The following DCAKD variants were observed in gnomAD, a reference collection of about 807,000 sequenced individuals.
DCAKD encodes the protein dephospho-CoA kinase domain-containing protein.
In DCAKD, 15 loss-of-function variants were observed where a neutral mutation model predicts 18.7. The ratio of observed to expected loss-of-function variants is 0.80; its 90% CI spans 0.54 to 1.24. DCAKD has a LOEUF of 1.24. Ranked by LOEUF, DCAKD falls within the 50% of genes most tolerant of loss-of-function variation. The pLI, the probability that DCAKD is intolerant of heterozygous loss-of-function variation, is 0.00. For synonymous variants in DCAKD, 130 were observed against 133.0 expected (o/e 0.98, Z 0.16); for missense variants, 301 against 322.0 (o/e 0.93, Z 0.50).
At chr17:45,050,073 C>T (rs1463474790) in intron 1 of DCAKD, among the ~76,000 whole-genome samples, 1 of 139,144 alleles carries the variant, frequency 7.2e-6, no homozygotes, top group Non-Finnish European at 1.6e-5. Context: ...AGGAGTCTCA[C>T]TCTCTTGCCC....
chr17:45,034,571 G>C (rs2053246878), intron 2 of DCAKD, among the ~76,000 whole-genome samples, 181 bp from the exon 3 acceptor site: 1 of 152,166 alleles, frequency 6.6e-6, no homozygotes, highest in Non-Finnish European at 1.5e-5. Flanking sequence ...CCCTTGTGCT[G>C]GTAATGGGGT....
chr17:45,030,097 T>TA lies in DCAKD; in HGVS notation c.398dup (p.Tyr134IlefsTer62), dbSNP rs1567831097. 1 of 1,613,672 alleles carries TA rather than the reference T, an allele frequency of 6.2e-7. No individual in the cohort carries two copies. The highest frequency in any genetic ancestry group is 1.7e-5 in the Admixed American group (1 of 60,006). On this transcript the variant is annotated frameshift_variant, in exon 4 of 5. Coordinates refer to ENST00000651974, the MANE Select transcript of DCAKD (RefSeq NM_001288655.2). LOFTEE classifies it high-confidence loss of function. ...AGGGCATGCTACACACTCACCAGTATACTACCACGGTGTGCTTCATGTACT... is the reference window on the plus strand; with the variant it reads ...AGGGCATGCTACACACTCACCAGTATAACTACCACGGTGTGCTTCATGTACT...
At chr17:45,030,409 T>C (rs1272489661) in intron 3 of DCAKD, among the ~76,000 whole-genome samples, 1 of 152,216 alleles carries the variant, frequency 6.6e-6, no homozygotes, top group Admixed American at 6.5e-5. Flanking sequence ...GCACTTGTGC[T>C]GGCCTTGAAA....
Position 45,058,338 on chromosome 17 carries a change from AC to A in DCAKD, c.-118+2549del, listed in dbSNP as rs1412437361. 3.3e-5 allele frequency among the ~76,000 whole-genome samples: 5 copies of A among 152,036 alleles called. No individual in the cohort carries two copies. In the East Asian group the frequency reaches 7.7e-4, roughly 23 times the overall value. On this transcript the variant is annotated intron_variant, in intron 1 of 4. Transcript: ENST00000310604. Reference sequence around the variant, plus strand: ...AAAAATAATAATAAATAAAAATAACACACAAAATATCTTTTTATCTTTTATT... The same window carrying A: ...AAAAATAATAATAAATAAAAATAACAACAAAATATCTTTTTATCTTTTATT...
In DCAKD at chr17:45,024,666, CG is replaced by C; in HGVS notation, c.462del (p.Asp154GlufsTer12). On this transcript the variant is annotated frameshift_variant, in exon 5 of 5. Transcript: ENST00000651974. LOFTEE classifies it high-confidence loss of function. The part of the protein sequence containing the change: ...LMRRNSLNRK[D>X]AEARINAQLP... ...AGCTGGGCATTGATGCGGGCCTCTG[CG>C]TCCTTGCGGTTCAGGCTGTTCCGCC... The C allele has an allele frequency of 6.2e-7, 1 of 1,608,900 alleles. No homozygotes were observed. The highest frequency in any genetic ancestry group is 8.5e-7 in the Non-Finnish European group (1 of 1,176,128).
In DCAKD at chr17:45,034,268, G is replaced by C; in HGVS notation, c.235C>G (p.Arg79Gly). The C allele has an allele frequency of 6.2e-7, 1 of 1,614,122 alleles. No individual in the cohort carries two copies. Among genetic ancestry groups the C allele is most frequent in the Non-Finnish European group, 8.5e-7 (1 of 1,180,022 alleles). ...GTGATGGCGTTGAGCAGCTGCCGCC[G>C]GTCAGGCTGGTTAAAGATCAGGTCC... ...LGDLIFNQPDRRQLLNAITHP... is the reference protein window; with the variant it reads ...LGDLIFNQPDGRQLLNAITHP... The change falls in exon 3 of 5, where the codon CGG becomes GGG. Residue 79 changes from arginine to glycine, a missense_variant. Coordinates refer to ENST00000651974, the MANE Select transcript of DCAKD (RefSeq NM_001288655.2).
intron 3 of DCAKD, among the ~76,000 whole-genome samples, chr17:45,033,177 C>G (rs575792615): frequency 7.3e-6 from 1 of 136,732 alleles, no homozygotes; most frequent in Non-Finnish European, 1.6e-5. Flanking sequence ...GAGACCCCAT[C>G]TCTAAAAATA....
chr17:45,054,276 C>G (rs1364968688), upstream of DCAKD, among the ~76,000 whole-genome samples: 2 of 150,714 alleles, frequency 1.3e-5, no homozygotes, highest in Non-Finnish European at 2.9e-5. Flanking sequence ...GAGACAGAGT[C>G]TGGCTCTGTT....
At chr17:45,025,554 G>A (rs965216841) in intron 4 of DCAKD, among the ~76,000 whole-genome samples, 2 of 152,126 alleles carry the variant, frequency 1.3e-5, no homozygotes, top group Non-Finnish European at 2.9e-5. Flanking sequence ...GCTACAGTCA[G>A]TCCTCTGGAG....
chr17:45,024,964 CG>C (rs1196194905), intron 4 of DCAKD, among the ~76,000 whole-genome samples: 1 of 150,922 alleles, frequency 6.6e-6, no homozygotes, highest in Non-Finnish European at 1.5e-5. Context: ...CTATGGGCTA[CG>C]GAAGCCCCTT....
intron 1 of DCAKD, among the ~76,000 whole-genome samples, chr17:45,047,664 C>A (rs1017297916): frequency 2.0e-5 from 3 of 152,076 alleles, no homozygotes; most frequent in Non-Finnish European, 4.4e-5. Context: ...GCCACCACAC[C>A]CAGCTAATTT....
chr17:45,047,207 A>G (rs1358353631), intron 1 of DCAKD, among the ~76,000 whole-genome samples: 1 of 149,348 alleles, frequency 6.7e-6, no homozygotes, highest in African/African-American at 2.6e-5. Flanking sequence ...CAGCCAAAGA[A>G]AAAAAAAAGC....
In DCAKD at chr17:45,023,629, A is replaced by T. The variant is rs1381697439; in HGVS notation, c.*804T>A. 6.9e-6 allele frequency: 1 copy of T among 144,720 alleles called. No individual in the cohort carries two copies. Among genetic ancestry groups the T allele is most frequent in the African/African-American group, 2.5e-5 (1 of 39,744 alleles). 9.0% of individuals were successfully genotyped at this position (144,720 alleles called of 1,614,324 possible). ...AAAAAAAAAAAAAAAAAAAAAAAGG[A>T]AGAAGAAATAAAAGAAAATAAAAGG... On this transcript the variant is annotated 3_prime_UTR_variant, in exon 5 of 5. Transcript: ENST00000651974.
At position 45,024,395 on chromosome 17, in the gene DCAKD, T is replaced by C. The variant is rs1003937841; in HGVS notation, c.*38A>G. 1.2e-5 allele frequency: 18 copies of C among 1,563,590 alleles called. No individual in the cohort carries two copies. Among genetic ancestry groups the C allele is most frequent in the Admixed American group, 7.1e-5 (4 of 56,094 alleles). The stretch of plus-strand genomic sequence containing the variant: ...TACCTGGCTTCAGCCTCCAAGGAGA[T>C]AGATGGAGGCCTGGGGCTCCCTGCC... On this transcript the variant is annotated 3_prime_UTR_variant, in exon 5 of 5. Coordinates refer to ENST00000651974, the MANE Select transcript of DCAKD (RefSeq NM_001288655.2).
At chr17:45,027,835 A>G (rs945270082) in intron 4 of DCAKD, among the ~76,000 whole-genome samples, 1 of 151,696 alleles carries the variant, frequency 6.6e-6, no homozygotes, top group Non-Finnish European at 1.5e-5. Context: ...AAAATACAAA[A>G]CTTAGCCGGG....
At chr17:45,034,727 G>A (rs558312250) in intron 2 of DCAKD, 47 bp downstream of exon 2, 21 of 1,582,726 alleles carry the variant, frequency 1.3e-5, no homozygotes, top group Middle Eastern at 1.7e-4. Flanking sequence ...GGCCGGAAGC[G>A]TGGGGAGCTG....
chr17:45,039,802 C>A (rs1405397708), intron 1 of DCAKD, among the ~76,000 whole-genome samples: 16 of 152,334 alleles, frequency 1.1e-4, no homozygotes, highest in Middle Eastern at 3.4e-3. Flanking sequence ...GTTCAGAGCT[C>A]TCCTGGGAGT....
upstream of DCAKD, among the ~76,000 whole-genome samples, chr17:45,053,702 C>T (rs1292139725): frequency 6.6e-6 from 1 of 151,140 alleles, no homozygotes; most frequent in African/African-American, 2.4e-5. Flanking sequence ...TTACAGGCGT[C>T]AGCCACCATG....
At chr17:45,054,365 A>G (rs892083431), upstream of DCAKD, among the ~76,000 whole-genome samples, 7 of 151,878 alleles carry the variant, frequency 4.6e-5, no homozygotes, top group African/African-American at 1.7e-4. Flanking sequence ...CTCCTGCCTC[A>G]GCTTCCCTAG....
Sources: gnomAD v4.1 joint callset for allele counts (sites outside exome capture counted in the v4.1 genomes callset) on GRCh38, gnomAD v4.1.1 for gene constraint, MANE v1.5 for transcripts, NCBI Gene and HGNC (gene_info 2026-07-23, HGNC 2026-07-21) for gene names.